Variants in RASIP1 observed in about 807,000 individuals in gnomAD.
RASIP1 encodes the protein ras-interacting protein 1.
Under a neutral mutation model 85.3 loss-of-function variants are expected in RASIP1, and 20 were observed. The observed-to-expected ratio is 0.23, with a 90% CI of 0.17 to 0.34. The LOEUF is 0.34. Ranked by LOEUF, RASIP1 falls within the 10% of genes least tolerant of loss-of-function variation. The probability of loss-of-function intolerance (pLI) is 1.00; values close to 1 mark genes in which losing one functional copy is unlikely to be tolerated. For missense variants in RASIP1, 1,170 were observed against 1,390.9 expected (o/e 0.84, Z 2.53); for synonymous variants, 617 against 647.1 (o/e 0.95, Z 0.71).
Position 48,727,250 on chromosome 19 carries a change from C to T in RASIP1, c.1872-92G>A. 1.9e-6 allele frequency: 3 copies of T among 1,558,720 alleles called. No individual in the cohort carries two copies. The South Asian group carries it at 3.4e-5, about 18-fold the overall frequency. ...CTAAGTCTAAGTGGGAGAGCAAGAC[C>T]AACTCCCATTGCGCAGCTGGAAAAG... is the stretch of plus-strand genomic sequence containing the variant. On this transcript the variant is annotated intron_variant, in intron 6 of 11. Coordinates refer to ENST00000222145, the MANE Select transcript of RASIP1 (RefSeq NM_017805.3).
intron 4 of RASIP1, 76 bp downstream of exon 4, chr19:48,735,120 A>C: frequency 7.3e-7 from 1 of 1,362,464 alleles, no homozygotes; most frequent in Non-Finnish European, 9.9e-7. Context: ...GCCTTCTGGG[A>C]GTTGTAGTTT....
At chr19:48,727,682 C>CT (rs778318979) in intron 5 of RASIP1, among the ~76,000 whole-genome samples, 2,603 of 121,766 alleles carry the variant, frequency 0.021, 68 homozygotes, top group East Asian at 0.048. Context: ...CATACGGATT[C>CT]TTTTTTTTTT....
rs775293234 is a variant in RASIP1, at chr19:48,726,980, C to T, written c.2023+27G>A. 7 of 1,613,362 alleles carry T rather than the reference C, an allele frequency of 4.3e-6. No homozygotes were observed. In the South Asian group the frequency reaches 4.4e-5, roughly 10 times the overall value. Reference sequence around the variant, plus strand: ...TGCAGGGCATGATGGGAGACTTGGACAAGCCTGAGCCTGAGTCAGAGCTCA... The same window carrying T: ...TGCAGGGCATGATGGGAGACTTGGATAAGCCTGAGCCTGAGTCAGAGCTCA... On this transcript the variant is annotated intron_variant, in intron 7 of 11. Transcript: ENST00000222145.
Position 48,735,517 on chromosome 19 carries a change from G to T in RASIP1, c.858C>A (p.Asn286Lys), listed in dbSNP as rs1319229983. Residue 286 changes from asparagine to lysine, a missense_variant, in exon 4 of 12, where the codon AAC becomes AAA. Asn to Lys is a moderately conservative substitution (Grantham distance 94, BLOSUM62 0). This residue lies in a region of RASIP1 where 301 missense variants were observed against 294.8 expected (regional missense o/e 1.02). Coordinates refer to ENST00000222145, the MANE Select transcript of RASIP1 (RefSeq NM_017805.3). ...CCCCACCCGACGCCGCCCGGGAGCG[G>T]TTCTTCTGTGGCCGCCACGAAGGGG... ...TGAPSWRPQKNRSRAASGGAA... is the reference protein window; with the variant it reads ...TGAPSWRPQKKRSRAASGGAA... 8.4e-6 allele frequency: 13 copies of T among 1,545,796 alleles called. No individual in the cohort carries two copies. The highest frequency in any genetic ancestry group is 1.1e-5 in the Non-Finnish European group (13 of 1,144,170).
chr19:48,738,889 CCAGGCCCCGCCCCA>C lies in RASIP1; in HGVS notation c.823+57_823+70del. ...AGCCCGCGAGTCCCACAAGCCCCGC[CCAGGCCCCGCCCCA>C]CGGACCCCGCCTCTCTGGCACCGAG... On this transcript the variant is annotated intron_variant, in intron 3 of 11. Transcript: ENST00000222145. The surrounding 1 kb of genome is among the most constrained non-coding windows in gnomAD (Gnocchi z 4.0). 8.8e-7 allele frequency: 1 copy of C among 1,135,772 alleles called. No homozygotes were observed. The highest frequency in any genetic ancestry group is 1.1e-6 in the Non-Finnish European group (1 of 916,600). 70.4% of individuals were successfully genotyped at this position (1,135,772 alleles called of 1,614,324 possible). A position where few individuals can be genotyped will look rare whatever the true frequency, so the allele number is the denominator to read the frequency against.
chr19:48,734,758 A>G (rs2033538291), intron 4 of RASIP1, among the ~76,000 whole-genome samples: 1 of 152,166 alleles, frequency 6.6e-6, no homozygotes, highest in Non-Finnish European at 1.5e-5. Context: ...AAGTGCTGGG[A>G]TAACAGGCGT....
chr19:48,725,242 C>A, intron 8 of RASIP1: 1 of 319,212 alleles, frequency 3.1e-6, no homozygotes, highest in Non-Finnish European at 5.8e-6. Flanking sequence ...CAAAGAGTTC[C>A]CTTTCAGTCA....
rs547414614 is a variant in RASIP1 at position 48,739,543 on chromosome 19, T to G, written c.240A>C (p.Gly80=). The part of the protein sequence containing the change: ...RRVGAVKAAG[G]ASGSRAKRIS... Reference sequence around the variant, plus strand: ...TGCGCTTGGCGCGGCTACCGGAGGCTCCCCCGGCCGCCTTGACAGCGCCCA... The same window carrying G: ...TGCGCTTGGCGCGGCTACCGGAGGCGCCCCCGGCCGCCTTGACAGCGCCCA... The change falls in exon 3 of 12, where the codon GGA becomes GGC. Residue 80 remains glycine (G), a synonymous_variant. Coordinates refer to ENST00000222145, the MANE Select transcript of RASIP1 (RefSeq NM_017805.3). The surrounding 1 kb of genome is among the most constrained non-coding windows in gnomAD (Gnocchi z 9.2). The G allele has an allele frequency of 6.6e-7, 1 of 1,514,202 alleles. No homozygotes were observed. The highest frequency in any genetic ancestry group is 1.4e-5 in the African/African-American group (1 of 71,406). The allele number at this position is 1,514,202 out of a possible 1,614,324, so 93.8% of individuals were successfully genotyped here.
chr19:48,734,396 C>A (rs1386593267), intron 4 of RASIP1, among the ~76,000 whole-genome samples: 1 of 151,938 alleles, frequency 6.6e-6, no homozygotes, highest in East Asian at 1.9e-4. Context: ...TCACGGAAGC[C>A]TCGACCTCCT....
Position 48,739,297 on chromosome 19 carries a change from C to T in RASIP1, c.486G>A (p.Lys162=). The T allele has an allele frequency of 1.4e-6, 2 of 1,420,834 alleles. No homozygotes were observed. The highest frequency in any genetic ancestry group is 1.5e-5 in the African/African-American group (1 of 66,624). The allele number at this position is 1,420,834 out of a possible 1,614,324, so 88.0% of individuals were successfully genotyped here. A position where few individuals can be genotyped will look rare whatever the true frequency, so the allele number is the denominator to read the frequency against. ...GAGLASGANY[K]SVLATARSTA... ...TGGAGCGCGCCGTGGCCAGCACGCTCTTGTAGTTGGCGCCCGATGCCAGTC... is the reference window on the plus strand; with the variant it reads ...TGGAGCGCGCCGTGGCCAGCACGCTTTTGTAGTTGGCGCCCGATGCCAGTC... Residue 162 remains lysine, a synonymous_variant, in exon 3 of 12, where the codon AAG becomes AAA. Coordinates refer to ENST00000222145, the MANE Select transcript of RASIP1 (RefSeq NM_017805.3). The surrounding 1 kb of genome is among the most constrained non-coding windows in gnomAD (Gnocchi z 9.2).
rs778726304 is a variant in RASIP1 at position 48,729,477 on chromosome 19, C to T, written c.1293G>A (p.Pro431=). 6.3e-7 allele frequency: 1 copy of T among 1,579,036 alleles called. No individual in the cohort carries two copies. The highest frequency in any genetic ancestry group is 1.2e-5 in the South Asian group (1 of 86,552). Residue 431 remains proline (P), a synonymous_variant, in exon 5 of 12, where the codon CCG becomes CCA. Coordinates refer to ENST00000222145, the MANE Select transcript of RASIP1 (RefSeq NM_017805.3). ...CTGTGCAGTGACGCGGCAGGATGTC[C>T]GGGGCGTTGAGGAAGGTGTCCACAT... The part of the protein sequence containing the change: ...APYVDTFLNA[P]DILPRHCTVR...
At position 48,740,390 on chromosome 19, in the gene RASIP1, G is replaced by C. The variant is rs1051904121; in HGVS notation, c.-4-104C>G. 1.4e-5 allele frequency: 21 copies of C among 1,452,712 alleles called. No homozygotes were observed. The highest frequency in any genetic ancestry group is 1.9e-5 in the Non-Finnish European group (21 of 1,092,728). 90.0% of individuals were successfully genotyped at this position (1,452,712 alleles called of 1,614,324 possible). A position where few individuals can be genotyped will look rare whatever the true frequency, so the allele number is the denominator to read the frequency against. On this transcript the variant is annotated intron_variant, in intron 1 of 11. Coordinates refer to ENST00000222145, the MANE Select transcript of RASIP1 (RefSeq NM_017805.3). The surrounding 1 kb of genome is among the most constrained non-coding windows in gnomAD (Gnocchi z 5.5). Reference sequence around the variant, plus strand: ...AGAGGGAGGAGGGGGCTGGGGCTCAGACTTGCGAGTCCAGGGGGAGGAGAG... The same window carrying C: ...AGAGGGAGGAGGGGGCTGGGGCTCACACTTGCGAGTCCAGGGGGAGGAGAG...
chr19:48,728,845 CCAGCTATGAAA>C, intron 5 of RASIP1, 81 bp downstream of exon 5: 1 of 1,288,592 alleles, frequency 7.8e-7, no homozygotes. Context: ...AGTATCCAGC[CCAGCTATGAAA>C]AGGGTTGAAG....
rs77264155 is a variant in RASIP1 at position 48,740,332 on chromosome 19, G to A, written c.-4-46C>T. 3.3e-4 allele frequency: 501 copies of A among 1,536,936 alleles called. 2 individuals carry two copies. In the African/African-American group the frequency reaches 5.8e-3, roughly 18 times the overall value. On this transcript the variant is annotated intron_variant, in intron 1 of 11. Transcript: ENST00000222145. The surrounding 1 kb of genome is among the most constrained non-coding windows in gnomAD (Gnocchi z 5.5). ...CCCCAACTCCTAAGGCATTCTTGTG[G>A]GGATGGGGTGGAGGGAACCTGGACT... is the stretch of plus-strand genomic sequence containing the variant.
At chr19:48,733,870 A>G (rs2033512294) in intron 4 of RASIP1, among the ~76,000 whole-genome samples, 1 of 151,958 alleles carries the variant, frequency 6.6e-6, no homozygotes, top group African/African-American at 2.4e-5. Context: ...AGGCTTATCC[A>G]GAACGTGATC....
At position 48,726,772 on chromosome 19, in the gene RASIP1, G is replaced by C; in HGVS notation, c.2127+13C>G. The C allele has an allele frequency of 6.3e-7, 1 of 1,585,702 alleles. No homozygotes were observed. The highest frequency in any genetic ancestry group is 8.6e-7 in the Non-Finnish European group (1 of 1,166,060). ...ATGCTATGTCAAACAGGAAGTAAGA[G>C]GCAAGGGCCAACCTTGGTGAGGTAG... On this transcript the variant is annotated intron_variant, in intron 8 of 11. Transcript: ENST00000222145.
At position 48,721,982 on chromosome 19, in the gene RASIP1, CT is replaced by C; in HGVS notation, c.2563del (p.Arg855GlufsTer7). ...GGGGGTCAAGGTGGGGTGGTCGGTT[CT>C]TAGGCTGCTCCATGAAGCCTGGTGG... Reference protein sequence around the residue: ...SLLKASWSSLRTDHPTLTPAQ... With the variant: ...SLLKASWSSLXTDHPTLTPAQ... On this transcript the variant is annotated frameshift_variant, in exon 11 of 12. Coordinates refer to ENST00000222145, the MANE Select transcript of RASIP1 (RefSeq NM_017805.3). LOFTEE classifies it high-confidence loss of function. The C allele has an allele frequency of 6.8e-7, 1 of 1,480,908 alleles. No homozygotes were observed. The highest frequency in any genetic ancestry group is 9.1e-7 in the Non-Finnish European group (1 of 1,101,320). The allele number at this position is 1,480,908 out of a possible 1,614,324, so 91.7% of individuals were successfully genotyped here. A position where few individuals can be genotyped will look rare whatever the true frequency, so the allele number is the denominator to read the frequency against.
In RASIP1 at chr19:48,738,174, A is replaced by T. The variant is rs1286877840; in HGVS notation, c.823+786T>A. ...TGGCCAGACTGGTCTCGAACTCCCA[A>T]CCTCAGGTGATCCGCCCGCCTCAGC... is the stretch of plus-strand genomic sequence containing the variant. On this transcript the variant is annotated intron_variant, in intron 3 of 11. Coordinates refer to ENST00000222145, the MANE Select transcript of RASIP1 (RefSeq NM_017805.3). This position sits in a 1 kb window ranked among gnomAD's most constrained non-coding sequence, Gnocchi z 4.0. Among the ~76,000 whole-genome samples, 1 of 151,982 alleles carries T rather than the reference A, an allele frequency of 6.6e-6. No individual in the cohort carries two copies. Among genetic ancestry groups the T allele is most frequent in the African/African-American group, 2.4e-5 (1 of 41,386 alleles).
At chr19:48,737,360 G>T (rs895084426) in intron 3 of RASIP1, 4 of 627,820 alleles carry the variant, frequency 6.4e-6, no homozygotes, top group Non-Finnish European at 7.9e-6. Context: ...AAAGCGTTTA[G>T]AAGGCTCCCT....
Sources: gnomAD v4.1 joint callset for allele counts (sites outside exome capture counted in the v4.1 genomes callset) on GRCh38, gnomAD v4.1.1 for gene constraint, gnomAD v4.1.1 regional missense constraint, Gnocchi (gnomAD v3.1) non-coding constraint, MANE v1.5 for transcripts, NCBI Gene and HGNC (gene_info 2026-07-23, HGNC 2026-07-21) for gene names.